KHDRBS2: variants seen among roughly 807,000 people sequenced by gnomAD.
KHDRBS2 encodes KH RNA binding domain containing, signal transduction associated 2.
Under a neutral mutation model 44.3 loss-of-function variants are expected in KHDRBS2, and 26 were observed. The observed-to-expected ratio is 0.59, with a 90% CI of 0.43 to 0.81. The LOEUF is 0.81. Ranked by LOEUF, KHDRBS2 falls within the 40% of genes least tolerant of loss-of-function variation. The probability of loss-of-function intolerance (pLI) is 0.00; values close to 1 mark genes in which losing one functional copy is unlikely to be tolerated. For synonymous variants in KHDRBS2, 194 were observed against 151.1 expected (o/e 1.28, Z -2.08); for missense variants, 476 against 433.1 (o/e 1.10, Z -0.88).
chr6:61,922,522 A>G (rs1020756661), intron 4 of KHDRBS2, among the ~76,000 whole-genome samples: 2 of 152,024 alleles, frequency 1.3e-5, no homozygotes, highest in Non-Finnish European at 2.9e-5. Context: ...GTGCCTGTGT[A>G]GGAGGAAGCT....
intron 6 of KHDRBS2, among the ~76,000 whole-genome samples, chr6:61,782,479 T>C (rs528606312): frequency 6.6e-6 from 1 of 151,932 alleles, no homozygotes; most frequent in African/African-American, 2.4e-5. Flanking sequence ...ATGATTTATA[T>C]AAATACAGAC....
the KHDRBS2 span, among the ~76,000 whole-genome samples, chr6:61,663,640 T>C: frequency 2.0e-5 from 3 of 149,090 alleles, no homozygotes; most frequent in South Asian, 6.4e-4. Flanking sequence ...GCAGTATCCT[T>C]AATGGCACGT....
chr6:61,846,409 C>G (rs1376539445), intron 6 of KHDRBS2, among the ~76,000 whole-genome samples: 1 of 152,172 alleles, frequency 6.6e-6, no homozygotes, highest in Non-Finnish European at 1.5e-5. Context: ...AAATGAGTCA[C>G]ATAGACGTGT....
the KHDRBS2 span, among the ~76,000 whole-genome samples, chr6:61,636,776 C>T: frequency 1.3e-5 from 2 of 152,112 alleles, no homozygotes; most frequent in East Asian, 3.9e-4. Context: ...TTCAAACCTG[C>T]CTATAATTTT....
chr6:62,009,134 G>A (rs758219053), intron 3 of KHDRBS2, among the ~76,000 whole-genome samples: 3 of 152,114 alleles, frequency 2.0e-5, no homozygotes, highest in Non-Finnish European at 2.9e-5. Context: ...CCAAAATGCC[G>A]ATAAAAATAT....
At chr6:61,901,110 C>A in intron 5 of KHDRBS2, 134 bp downstream of exon 5, 1 of 804,234 alleles carries the variant, frequency 1.2e-6, no homozygotes, top group Non-Finnish European at 2.0e-6. Context: ...AAGCTTTCAT[C>A]GTTATTGTTT....
At chr6:61,982,532 G>T (rs763506767) in intron 3 of KHDRBS2, among the ~76,000 whole-genome samples, 1 of 151,982 alleles carries the variant, frequency 6.6e-6, no homozygotes, top group African/African-American at 2.4e-5. Context: ...TTAGCCGGGC[G>T]TGGTGGCGCA....
At chr6:61,738,401 G>T (rs1437667334) in intron 6 of KHDRBS2, among the ~76,000 whole-genome samples, 1 of 151,924 alleles carries the variant, frequency 6.6e-6, no homozygotes, top group African/African-American at 2.4e-5. Flanking sequence ...CTTTCTATCT[G>T]TGAAGTTATA....
At chr6:61,805,443 C>T (rs1366786816) in intron 6 of KHDRBS2, among the ~76,000 whole-genome samples, 2 of 152,202 alleles carry the variant, frequency 1.3e-5, no homozygotes, top group Non-Finnish European at 1.5e-5. Flanking sequence ...TGGTTCCAAC[C>T]TCTGCCTGTT....
At chr6:62,206,466 A>T (rs1016646231) in intron 1 of KHDRBS2, among the ~76,000 whole-genome samples, 7 of 152,074 alleles carry the variant, frequency 4.6e-5, no homozygotes, top group Non-Finnish European at 8.8e-5. Flanking sequence ...AAAATTCTAA[A>T]CACTAATATT....
At chr6:61,929,868 A>G (rs1273131904) in intron 4 of KHDRBS2, among the ~76,000 whole-genome samples, 1 of 152,192 alleles carries the variant, frequency 6.6e-6, no homozygotes, top group Non-Finnish European at 1.5e-5. Context: ...GGGTTGCCTC[A>G]GTCTCCTCAT....
intron 1 of KHDRBS2, among the ~76,000 whole-genome samples, chr6:62,255,064 A>T (rs1311686908): frequency 6.6e-6 from 1 of 152,086 alleles, no homozygotes; most frequent in Non-Finnish European, 1.5e-5. Flanking sequence ...AACTCTGCTC[A>T]AGATCATGCA....
At chr6:62,151,475 GAATAGGGCATCTTTAAAATGT>G (rs1456570245) in intron 2 of KHDRBS2, among the ~76,000 whole-genome samples, 4 of 152,088 alleles carry the variant, frequency 2.6e-5, no homozygotes, top group Admixed American at 6.6e-5. Context: ...CTTTAGTGAT[GAATAGGGCATCTTTAAAATGT>G]ATCTTAAGTA....
intron 4 of KHDRBS2, among the ~76,000 whole-genome samples, chr6:61,962,960 A>T (rs1224494716): frequency 6.6e-6 from 1 of 152,060 alleles, no homozygotes; most frequent in Non-Finnish European, 1.5e-5. Context: ...TGTATGATTA[A>T]AAGGAAATGA....
chr6:61,754,164 T>C (rs546919035), intron 6 of KHDRBS2, among the ~76,000 whole-genome samples: 1 of 152,278 alleles, frequency 6.6e-6, no homozygotes, highest in Non-Finnish European at 1.5e-5. Flanking sequence ...ATTAGGTAAC[T>C]AATACAGATT....
chr6:61,973,000 G>A (rs561095558), intron 4 of KHDRBS2, among the ~76,000 whole-genome samples: 2 of 152,234 alleles, frequency 1.3e-5, no homozygotes, highest in African/African-American at 4.8e-5. Flanking sequence ...ACAGAAATAA[G>A]CTGTGTGTGG....
At chr6:61,828,655 T>C (rs1043565251) in intron 6 of KHDRBS2, among the ~76,000 whole-genome samples, 6 of 152,220 alleles carry the variant, frequency 3.9e-5, no homozygotes, top group Non-Finnish European at 7.3e-5. Flanking sequence ...TAATTATTTC[T>C]GCATTTCAGC....
At chr6:61,822,478 C>T (rs960572854) in intron 6 of KHDRBS2, among the ~76,000 whole-genome samples, 4 of 151,960 alleles carry the variant, frequency 2.6e-5, no homozygotes, top group African/African-American at 9.7e-5. Context: ...TTCATCAGTG[C>T]TTCAATGTTC....
chr6:61,720,187 T>C (rs1772189191), intron 7 of KHDRBS2, among the ~76,000 whole-genome samples: 1 of 152,208 alleles, frequency 6.6e-6, no homozygotes, highest in Admixed American at 6.5e-5. Flanking sequence ...TTGTTGGACA[T>C]TTGGGTTGGT....
Sources: allele counts gnomAD v4.1 joint callset (sites outside exome capture counted in the v4.1 genomes callset), GRCh38; gene constraint gnomAD v4.1.1; transcripts MANE v1.5; gene names NCBI Gene and HGNC (gene_info 2026-07-23, HGNC 2026-07-21).